The following DENND6B variants were observed in gnomAD, a reference collection of about 807,000 sequenced individuals.
The protein encoded by DENND6B is protein DENND6B.
DENND6B carries 73 observed loss-of-function variants against 85.1 expected under a neutral mutation model. The observed-to-expected ratio is 0.86, with a 90% CI of 0.71 to 1.04. DENND6B has a LOEUF of 1.04. Ranked by LOEUF, DENND6B falls within the 50% of genes least tolerant of loss-of-function variation. DENND6B has a pLI of 0.00. For synonymous variants in DENND6B, 357 were observed against 329.3 expected, an observed-to-expected ratio of 1.08 and a Z score of -0.91; for missense variants, 715 against 785.8, an observed-to-expected ratio of 0.91 and a Z score of 1.08.
chr22:50,318,436 G>A (rs2041927220), intron 3 of DENND6B, among the ~76,000 whole-genome samples: 1 of 152,194 alleles, frequency 6.6e-6, no homozygotes, highest in South Asian at 2.1e-4. Context: ...GCACCTACAA[G>A]TCTTAGAATA....
chr22:50,321,322 G>T (rs1366666234), intron 1 of DENND6B, among the ~76,000 whole-genome samples: 2 of 152,166 alleles, frequency 1.3e-5, no homozygotes, highest in Non-Finnish European at 2.9e-5. Context: ...CAGTGCTGAT[G>T]AGAATCCAGC....
intron 1 of DENND6B, among the ~76,000 whole-genome samples, chr22:50,320,212 A>G (rs1002194124): frequency 6.6e-6 from 1 of 152,242 alleles, no homozygotes; most frequent in Non-Finnish European, 1.5e-5. Context: ...GCCCTGGATG[A>G]AAGCATCTGC....
At chr22:50,319,397 C>G (rs906693619) in intron 1 of DENND6B, 1 of 985,312 alleles carries the variant, frequency 1.0e-6, no homozygotes, top group Non-Finnish European at 1.2e-6. Flanking sequence ...AGCTTCCTGA[C>G]CCCTTTCTCA....
Position 50,326,803 on chromosome 22 carries a change from C to T in DENND6B, c.177+9G>A. ...CCACCCGCCCGCGCCCGCGCTCGCGCCCGCTCACCTCCAGCGCCTGGCCCA... is the reference window on the plus strand; with the variant it reads ...CCACCCGCCCGCGCCCGCGCTCGCGTCCGCTCACCTCCAGCGCCTGGCCCA... On this transcript the variant is annotated intron_variant, in intron 1 of 19. Coordinates refer to ENST00000413817, the MANE Select transcript of DENND6B (RefSeq NM_001001794.4). The T allele has an allele frequency of 1.4e-6, 2 of 1,391,004 alleles. No individual in the cohort carries two copies. The highest frequency in any genetic ancestry group is 9.3e-7 in the Non-Finnish European group (1 of 1,077,570). The allele number at this position is 1,391,004 out of a possible 1,614,324, so 86.2% of individuals were successfully genotyped here.
intron 2 of DENND6B, 29 bp downstream of exon 2, chr22:50,318,936 T>C (rs117044665): frequency 0.019 from 30,126 of 1,609,808 alleles, 469 homozygotes; most frequent in East Asian, 0.098. Flanking sequence ...TCCTGGGTCC[T>C]GTCCATTCCC....
At chr22:50,323,002 C>A (rs527675314) in intron 1 of DENND6B, among the ~76,000 whole-genome samples, 1 of 149,732 alleles carries the variant, frequency 6.7e-6, no homozygotes, top group Non-Finnish European at 1.5e-5. Flanking sequence ...AGGTGCCCAC[C>A]GCCATGCCCG....
chr22:50,314,784 G>A lies in DENND6B; in HGVS notation c.881+15C>T, dbSNP rs372095560. Reference sequence around the variant, plus strand: ...TGGTCCAGCTTCCCCAGCCGGGACCGGGCCAAGGCGATACCTGGTCAAGGC... The same window carrying A: ...TGGTCCAGCTTCCCCAGCCGGGACCAGGCCAAGGCGATACCTGGTCAAGGC... On this transcript the variant is annotated intron_variant, in intron 10 of 19. Coordinates refer to ENST00000413817, the MANE Select transcript of DENND6B (RefSeq NM_001001794.4). 570 of 1,596,712 alleles carry A rather than the reference G, an allele frequency of 3.6e-4. No individual in the cohort carries two copies. Among genetic ancestry groups the A allele is most frequent in the Non-Finnish European group, 4.6e-4 (536 of 1,172,496 alleles).
chr22:50,316,831 G>A, intron 5 of DENND6B: 1 of 1,095,266 alleles, frequency 9.1e-7, no homozygotes, highest in Non-Finnish European at 1.2e-6. Flanking sequence ...ACAGTGTGAT[G>A]ACCCTCCAGC....
At chr22:50,325,815 G>A (rs774359159) in intron 1 of DENND6B, among the ~76,000 whole-genome samples, 4 of 152,212 alleles carry the variant, frequency 2.6e-5, no homozygotes, top group Non-Finnish European at 5.9e-5. Context: ...GGGCTCCAGA[G>A]AGTGCTAGAG....
intron 13 of DENND6B, 46 bp from the exon 14 acceptor site, chr22:50,313,924 T>C: frequency 6.4e-7 from 1 of 1,560,006 alleles, no homozygotes; most frequent in Non-Finnish European, 8.6e-7. Context: ...AGGGCCTCCC[T>C]CCCACACTCC....
rs760677333 is a variant in DENND6B at position 50,312,238 on chromosome 22, G to C, written c.1659C>G (p.Leu553=). The part of the protein sequence containing the change: ...EKLVRAQGHQ[L]PVKEATLQRA... ...GCTGCAGCGTAGCCTCCTTCACAGGGAGCTGGTGGCCCTGAGCCCGCACCT... is the reference window on the plus strand; with the variant it reads ...GCTGCAGCGTAGCCTCCTTCACAGGCAGCTGGTGGCCCTGAGCCCGCACCT... Residue 553 remains leucine, a synonymous_variant, in exon 20 of 20, where the codon CTC becomes CTG. Coordinates refer to ENST00000413817, the MANE Select transcript of DENND6B (RefSeq NM_001001794.4). 3 of 1,612,304 alleles carry C rather than the reference G, an allele frequency of 1.9e-6. No individual in the cohort carries two copies. Among genetic ancestry groups the C allele is most frequent in the Middle Eastern group, 1.7e-4 (1 of 6,052 alleles).
chr22:50,316,469 C>T lies in DENND6B; in HGVS notation c.460G>A (p.Val154Met), dbSNP rs755057088. The T allele has an allele frequency of 1.7e-5, 27 of 1,577,696 alleles. No individual in the cohort carries two copies. ...ACAAAGGGCAAGCGGGACACCAGCA[C>T]CAAAGACTGCAGGGCCACGGGGCCA... ...VKRGYFQKSLVLVSRLPFVRL... is the reference protein window; with the variant it reads ...VKRGYFQKSLMLVSRLPFVRL... Residue 154 changes from valine (V) to methionine (M), a missense_variant, in exon 6 of 20, where the codon GTG (valine) becomes ATG (methionine). By Grantham distance (21) the Val-to-Met change is conservative (BLOSUM62 1). Coordinates refer to ENST00000413817, the MANE Select transcript of DENND6B (RefSeq NM_001001794.4).
chr22:50,310,634 G>A lies in DENND6B; in HGVS notation c.*1505C>T, dbSNP rs1317257139. The A allele has an allele frequency of 6.6e-6, 1 of 152,172 alleles. No individual in the cohort carries two copies. Among genetic ancestry groups the A allele is most frequent in the Non-Finnish European group, 1.5e-5 (1 of 68,056 alleles). 9.4% of individuals were successfully genotyped at this position (152,172 alleles called of 1,614,324 possible). On this transcript the variant is annotated 3_prime_UTR_variant, in exon 20 of 20. Coordinates refer to ENST00000413817, the MANE Select transcript of DENND6B (RefSeq NM_001001794.4). ...GAAGGCTACATTCCTCGGACTGAAT[G>A]GGGGCCTCAGAAGAAAAAGAAAAGT...
intron 1 of DENND6B, among the ~76,000 whole-genome samples, chr22:50,325,252 C>T (rs968649605): frequency 2.0e-5 from 3 of 152,014 alleles, no homozygotes; most frequent in South Asian, 2.1e-4. Context: ...CAAGCACACA[C>T]AGCCTTCAAC....
Position 50,316,432 on chromosome 22 carries a change from TG to T in DENND6B, c.496del (p.Gln166LysfsTer4). ...VSRLPFVRLFQALLSLIAPEY... is the reference protein window; with the variant it reads ...VSRLPFVRLFXALLSLIAPEY... ...GGGGGCGATGAGGCTTAGCAGCGCT[TG>T]GAACAGCCGGACAAAGGGCAAGCGG... On this transcript the variant is annotated frameshift_variant, in exon 6 of 20. Coordinates refer to ENST00000413817, the MANE Select transcript of DENND6B (RefSeq NM_001001794.4). LOFTEE classifies it high-confidence loss of function. The T allele has an allele frequency of 6.3e-7, 1 of 1,589,176 alleles. No individual in the cohort carries two copies. The highest frequency in any genetic ancestry group is 8.6e-7 in the Non-Finnish European group (1 of 1,169,400).
At position 50,312,482 on chromosome 22, in the gene DENND6B, C is replaced by G. The variant is rs937137759; in HGVS notation, c.1560+41G>C. On this transcript the variant is annotated intron_variant, in intron 18 of 19. Coordinates refer to ENST00000413817, the MANE Select transcript of DENND6B (RefSeq NM_001001794.4). ...CACTGCCCTGGGCCTGTGCCCACCC[C>G]CACCATGTTCTGGCCCTCCCCAACC... is the stretch of plus-strand genomic sequence containing the variant. The G allele has an allele frequency of 1.9e-6, 3 of 1,574,948 alleles. No individual in the cohort carries two copies. In the African/African-American group the frequency reaches 4.1e-5, roughly 21 times the overall value.
intron 1 of DENND6B, chr22:50,319,288 T>TCCAGGCA: frequency 1.0e-6 from 1 of 985,266 alleles, no homozygotes; most frequent in Non-Finnish European, 1.2e-6. Context: ...ATCTCTGACC[T>TCCAGGCA]CCAGGCACCA....
rs761991241 is a variant in DENND6B, at chr22:50,317,979, A to G, written c.301T>C (p.Cys101Arg). 1 of 1,612,456 alleles carries G rather than the reference A, an allele frequency of 6.2e-7. No individual in the cohort carries two copies. Among genetic ancestry groups the G allele is most frequent in the Non-Finnish European group, 8.5e-7 (1 of 1,179,662 alleles). ...DTQFSFRMRQ[C>R]GGQRSPWHAD... ...TGCCAGGGGCTCCTCTGCCCTCCAC[A>G]CTGGCGCATGCGGAAGCTGAACTGA... The change falls in exon 4 of 20, where the codon TGT (cysteine) becomes CGT (arginine). Residue 101 changes from cysteine to arginine, a missense_variant. Coordinates refer to ENST00000413817, the MANE Select transcript of DENND6B (RefSeq NM_001001794.4).
intron 4 of DENND6B, among the ~76,000 whole-genome samples, chr22:50,317,622 G>A (rs1226745789): frequency 6.6e-6 from 1 of 152,142 alleles, no homozygotes; most frequent in Non-Finnish European, 1.5e-5. Context: ...AGGGGCTCGG[G>A]GGGCTGGGGG....
Sources: allele counts gnomAD v4.1 joint callset (sites outside exome capture counted in the v4.1 genomes callset), GRCh38; gene constraint gnomAD v4.1.1; transcripts MANE v1.5; gene names NCBI Gene and HGNC (gene_info 2026-07-23, HGNC 2026-07-21).